Variants in GMDS observed in about 807,000 individuals in gnomAD.
GMDS encodes the protein GDP-mannose 4,6 dehydratase.
A neutral mutation model predicts 49.9 loss-of-function variants in GMDS; 20 were observed. The ratio of observed to expected loss-of-function variants is 0.40; its 90% CI spans 0.28 to 0.58. The LOEUF is 0.58. Among genes scored for constraint, GMDS ranks in the 20% least tolerant of loss-of-function variants. The pLI, the probability that GMDS is intolerant of heterozygous loss-of-function variation, is 0.42. For missense variants in GMDS, 362 were observed against 481.4 expected, an observed-to-expected ratio of 0.75 and a Z score of 2.32; for synonymous variants, 177 against 178.6, an observed-to-expected ratio of 0.99 and a Z score of 0.07.
chr6:1,675,207 T>C (rs1744378130), intron 9 of GMDS, among the ~76,000 whole-genome samples: 2 of 152,134 alleles, frequency 1.3e-5, no homozygotes, highest in South Asian at 2.1e-4. Context: ...AAAGTGCTGA[T>C]ACATTGTTTT....
intron 7 of GMDS, among the ~76,000 whole-genome samples, chr6:1,854,784 G>C (rs1757871862): frequency 6.6e-6 from 1 of 152,196 alleles, no homozygotes; most frequent in Non-Finnish European, 1.5e-5. Flanking sequence ...GTTTAGAGGA[G>C]AGGAGATACC....
intron 7 of GMDS, among the ~76,000 whole-genome samples, chr6:1,787,694 C>A (rs765358130): frequency 3.3e-5 from 5 of 152,160 alleles, no homozygotes; most frequent in Non-Finnish European, 7.3e-5. Context: ...TTTTCCTGGA[C>A]ACCAAAGACA....
chr6:1,673,155 C>T (rs151245404), intron 9 of GMDS, among the ~76,000 whole-genome samples: 2 of 152,284 alleles, frequency 1.3e-5, no homozygotes, highest in African/African-American at 2.4e-5. Context: ...GTCACCAATG[C>T]CAGCTCTGTT....
intron 4 of GMDS, among the ~76,000 whole-genome samples, chr6:1,984,526 C>T (rs1765426929): frequency 6.6e-6 from 1 of 151,954 alleles, no homozygotes; most frequent in South Asian, 2.1e-4. Context: ...CAGGCCAGTA[C>T]ACTACAGCTG....
At chr6:1,940,312 A>AT (rs1473232163) in intron 6 of GMDS, among the ~76,000 whole-genome samples, 2 of 152,220 alleles carry the variant, frequency 1.3e-5, no homozygotes, top group African/African-American at 2.4e-5. Context: ...TGATTTAAAG[A>AT]TTTTTTTGGA....
chr6:2,166,836 G>A (rs1320504073), intron 1 of GMDS, among the ~76,000 whole-genome samples: 1 of 152,172 alleles, frequency 6.6e-6, no homozygotes, highest in Admixed American at 6.5e-5. Flanking sequence ...TTGCCAGCCT[G>A]TCACACCTAG....
chr6:2,113,326 C>T (rs1774656198), intron 4 of GMDS, among the ~76,000 whole-genome samples: 1 of 152,068 alleles, frequency 6.6e-6, no homozygotes, highest in Admixed American at 6.5e-5. Context: ...CCTCATCCAG[C>T]AACTTCCTAG....
At chr6:1,997,738 G>C (rs1766383973) in intron 4 of GMDS, among the ~76,000 whole-genome samples, 1 of 151,998 alleles carries the variant, frequency 6.6e-6, no homozygotes, top group South Asian at 2.1e-4. Context: ...GGTGAGCAGA[G>C]ACCCCTGGGA....
At chr6:2,061,166 G>A (rs1188003839) in intron 4 of GMDS, among the ~76,000 whole-genome samples, 1 of 152,120 alleles carries the variant, frequency 6.6e-6, no homozygotes, top group Non-Finnish European at 1.5e-5. Context: ...CTGCACCCGA[G>A]GTCATAGAGG....
At chr6:2,145,332 C>G (rs1171316885) in intron 1 of GMDS, among the ~76,000 whole-genome samples, 1 of 151,634 alleles carries the variant, frequency 6.6e-6, no homozygotes, top group African/African-American at 2.4e-5. Context: ...GTCAGGAGTT[C>G]GAGACCATCC....
chr6:1,776,900 C>G (rs111643492), intron 7 of GMDS, among the ~76,000 whole-genome samples: 278 of 152,280 alleles, frequency 1.8e-3, no homozygotes, highest in African/African-American at 6.1e-3. Flanking sequence ...CCCCCAAGAT[C>G]TGCCAAGTCC....
chr6:1,771,920 A>G (rs923859586), intron 7 of GMDS, among the ~76,000 whole-genome samples: 3 of 152,238 alleles, frequency 2.0e-5, no homozygotes, highest in Admixed American at 6.5e-5. Context: ...CTAGGAGGCA[A>G]TCAGTCTCAG....
At chr6:1,986,864 A>G (rs956771245) in intron 4 of GMDS, among the ~76,000 whole-genome samples, 2 of 152,228 alleles carry the variant, frequency 1.3e-5, no homozygotes, top group Non-Finnish European at 2.9e-5. Flanking sequence ...ACAGAATGAG[A>G]GTAAGGGGGC....
Position 1,778,181 on chromosome 6 carries a change from C to T in GMDS, c.772-35595G>A, listed in dbSNP as rs372832355. 3.4e-4 allele frequency among the ~76,000 whole-genome samples: 52 copies of T among 152,266 alleles called. No individual in the cohort carries two copies. In the Middle Eastern group the frequency reaches 0.031, roughly 90 times the overall value. ...TTAGACTGGCCTTCTCAACACCTCA[C>T]GAAAAGCGCCCTTGGGTCTCATTTT... On this transcript the variant is annotated intron_variant, in intron 7 of 10. Coordinates refer to ENST00000380815, the MANE Select transcript of GMDS (RefSeq NM_001500.4). The surrounding 1 kb of genome is among the most constrained non-coding windows in gnomAD (Gnocchi z 4.6).
chr6:1,888,182 G>C (rs997386165), intron 7 of GMDS, among the ~76,000 whole-genome samples: 6 of 149,248 alleles, frequency 4.0e-5, no homozygotes, highest in Non-Finnish European at 8.9e-5. Flanking sequence ...TGTTGCCCAG[G>C]CTGGTCTCAA....
At chr6:2,000,964 G>GT (rs1185277546) in intron 4 of GMDS, among the ~76,000 whole-genome samples, 2 of 152,158 alleles carry the variant, frequency 1.3e-5, no homozygotes, top group South Asian at 2.1e-4. Context: ...AAACATTCTT[G>GT]TTTAAGTTTT....
intron 6 of GMDS, among the ~76,000 whole-genome samples, chr6:1,953,885 C>G (rs146730630): frequency 6.6e-6 from 1 of 152,138 alleles, no homozygotes; most frequent in East Asian, 1.9e-4. Flanking sequence ...TAATTAATAT[C>G]TTTATGACAA....
At chr6:2,236,844 A>T (rs189957328) in intron 1 of GMDS, among the ~76,000 whole-genome samples, 108 of 152,326 alleles carry the variant, frequency 7.1e-4, no homozygotes, top group African/African-American at 2.4e-3. Context: ...ATTACAATCA[A>T]ACCAAATGCT....
intron 4 of GMDS, among the ~76,000 whole-genome samples, chr6:2,049,419 G>T (rs557824684): frequency 6.6e-6 from 1 of 152,156 alleles, no homozygotes; most frequent in Admixed American, 6.6e-5. Context: ...GTATCAGAAA[G>T]ATTTTTATAA....
Sources: gnomAD v4.1 joint callset for allele counts (sites outside exome capture counted in the v4.1 genomes callset) on GRCh38, gnomAD v4.1.1 for gene constraint, Gnocchi (gnomAD v3.1) non-coding constraint, MANE v1.5 for transcripts, NCBI Gene and HGNC (gene_info 2026-07-23, HGNC 2026-07-21) for gene names.